The following RAPGEF2 variants were observed in gnomAD, a reference collection of about 807,000 sequenced individuals.
RAPGEF2 encodes PDZ domain containing guanine nucleotide exchange factor (GEF) 1.
A neutral mutation model predicts 186.7 loss-of-function variants in RAPGEF2; 54 were observed. The ratio of observed to expected loss-of-function variants is 0.29; its 90% CI spans 0.23 to 0.36. The LOEUF is 0.36. RAPGEF2 is among the 10% of genes least tolerant of loss of function. The probability of loss-of-function intolerance (pLI) is 1.00; values close to 1 mark genes in which losing one functional copy is unlikely to be tolerated. For missense variants in RAPGEF2, 1,532 were observed against 2,045.0 expected (o/e 0.75, Z 4.84); for synonymous variants, 712 against 705.9 (o/e 1.01, Z -0.14).
intron 1 of RAPGEF2, among the ~76,000 whole-genome samples, chr4:159,167,634 A>G (rs1218372559): frequency 6.6e-6 from 1 of 152,042 alleles, no homozygotes; most frequent in Non-Finnish European, 1.5e-5. Flanking sequence ...AAAATGTTCT[A>G]TTTAATATTG....
intron 7 of RAPGEF2, among the ~76,000 whole-genome samples, chr4:159,249,959 A>G (rs1166078595): frequency 6.6e-6 from 1 of 152,210 alleles, no homozygotes; most frequent in Non-Finnish European, 1.5e-5. Context: ...ACTGCCTAGC[A>G]TCCTTTGTGG....
intron 7 of RAPGEF2, among the ~76,000 whole-genome samples, chr4:159,248,357 C>T (rs1754901707): frequency 6.6e-6 from 1 of 152,162 alleles, no homozygotes; most frequent in South Asian, 2.1e-4. Flanking sequence ...ACAAATTTTA[C>T]TAAAATTTAT....
chr4:159,164,152 C>CCACCACCACACCCA (rs1309513975), intron 1 of RAPGEF2, among the ~76,000 whole-genome samples: 1 of 151,910 alleles, frequency 6.6e-6, no homozygotes, highest in African/African-American at 2.4e-5. Flanking sequence ...CTACAGGCGC[C>CCACCACCACACCCA]CACCACCACA....
In RAPGEF2 at chr4:159,296,354, T is replaced by A. The variant is rs28706552; in HGVS notation, c.544-7988T>A. On this transcript the variant is annotated intron_variant, in intron 7 of 29. Transcript: ENST00000691494. ...TAAAGTTTCATGAGTGAGAAATTAT[T>A]TACAATTAATATTTTTCATGTGATT... Among the ~76,000 whole-genome samples, 1,065 of 152,304 alleles carry A rather than the reference T, an allele frequency of 7.0e-3. 11 individuals are homozygous for A. Among genetic ancestry groups the A allele is most frequent in the African/African-American group, 0.024 (1,009 of 41,552 alleles).
chr4:159,233,067 A>G (rs1257307860), intron 4 of RAPGEF2, among the ~76,000 whole-genome samples: 1 of 152,208 alleles, frequency 6.6e-6, no homozygotes, highest in African/African-American at 2.4e-5. Flanking sequence ...AATCTTTATC[A>G]GATATGTGAT....
chr4:159,268,877 A>G (rs1477971473), intron 7 of RAPGEF2, among the ~76,000 whole-genome samples: 2 of 152,166 alleles, frequency 1.3e-5, no homozygotes, highest in Non-Finnish European at 2.9e-5. Context: ...GTGAGTTCTC[A>G]TGGTGCTACT....
intron 1 of RAPGEF2, among the ~76,000 whole-genome samples, chr4:159,175,158 G>A (rs1746330150): frequency 1.3e-5 from 2 of 152,212 alleles, no homozygotes; most frequent in South Asian, 4.1e-4. Flanking sequence ...GGTTTTCCTG[G>A]GCTTTGATGT....
At chr4:159,334,387 T>A (rs907422509) in intron 17 of RAPGEF2, among the ~76,000 whole-genome samples, 1 of 152,110 alleles carries the variant, frequency 6.6e-6, no homozygotes, top group African/African-American at 2.4e-5. Flanking sequence ...TAGCTGGGAT[T>A]ACAGGTGTGC....
intron 1 of RAPGEF2, among the ~76,000 whole-genome samples, chr4:159,138,547 T>G (rs1266567240): frequency 6.6e-6 from 1 of 152,204 alleles, no homozygotes; most frequent in Non-Finnish European, 1.5e-5. Context: ...TCTCTTTGGC[T>G]TGAGTAAATA....
At chr4:159,322,573 T>A in intron 10 of RAPGEF2, 90 bp downstream of exon 10, 1 of 1,079,272 alleles carries the variant, frequency 9.3e-7, no homozygotes, top group Non-Finnish European at 1.4e-6. Flanking sequence ...TACTTTTTCC[T>A]TTTTAATACC....
chr4:159,324,267 AT>A (rs1282294447), intron 11 of RAPGEF2, among the ~76,000 whole-genome samples: 22 of 151,946 alleles, frequency 1.4e-4, no homozygotes, highest in African/African-American at 5.1e-4. Context: ...ACCTCAAGTG[AT>A]CCCCCCACCT....
chr4:159,271,415 T>C (rs1194406731), intron 7 of RAPGEF2, among the ~76,000 whole-genome samples: 1 of 152,210 alleles, frequency 6.6e-6, no homozygotes, highest in African/African-American at 2.4e-5. Flanking sequence ...AGTGCCCTAC[T>C]TAAATATAGG....
In RAPGEF2 at chr4:159,260,328, G is replaced by C. The variant is rs114551894; in HGVS notation, c.543+16537G>C. Among the ~76,000 whole-genome samples the C allele has an allele frequency of 2.0e-5, 3 of 150,562 alleles. No homozygotes were observed. The South Asian group carries it at 6.3e-4, about 32-fold the overall frequency. ...AAGGGACATTTTAATATTCTCCCTC[G>C]CACTGCCAAAACAGAAAGACAAAAA... On this transcript the variant is annotated intron_variant, in intron 7 of 29. Transcript: ENST00000691494.
chr4:159,319,011 T>G (rs1223503698), intron 9 of RAPGEF2, among the ~76,000 whole-genome samples: 1 of 152,152 alleles, frequency 6.6e-6, no homozygotes, highest in Non-Finnish European at 1.5e-5. Flanking sequence ...AAGAAAATTG[T>G]CCTGTTTCTC....
intron 23 of RAPGEF2, 99 bp downstream of exon 23, chr4:159,344,158 A>T: frequency 7.4e-7 from 1 of 1,346,460 alleles, no homozygotes; most frequent in Non-Finnish European, 1.1e-6. Context: ...GCATTTTTGC[A>T]TTTTTTTCCT....
intron 1 of RAPGEF2, among the ~76,000 whole-genome samples, chr4:159,178,461 A>G (rs967547271): frequency 3.3e-5 from 5 of 151,226 alleles, no homozygotes; most frequent in African/African-American, 1.2e-4. Flanking sequence ...AGCCCGTTAT[A>G]TATTCTGAAT....
chr4:159,273,644 TTCTTTCTTTCTTTC>T (rs1240966118), intron 7 of RAPGEF2, among the ~76,000 whole-genome samples: 69 of 132,476 alleles, frequency 5.2e-4, no homozygotes, highest in African/African-American at 2.0e-3. Flanking sequence ...CTTTCTTTCT[TTCTTTCTTTCTTTC>T]TTTCTTTCTT....
intron 7 of RAPGEF2, 79 bp downstream of exon 7, chr4:159,243,870 A>T: frequency 9.8e-7 from 1 of 1,024,194 alleles, no homozygotes; most frequent in South Asian, 1.3e-5. Flanking sequence ...TGAATTTATA[A>T]TATTCATATG....
Position 159,331,551 on chromosome 4 carries a change from G to GT in RAPGEF2, c.1575+21dup, listed in dbSNP as rs201209450. 8.2e-4 allele frequency: 1,315 copies of GT among 1,609,082 alleles called. 11 individuals are homozygous for GT. In the African/African-American group the frequency reaches 0.014, roughly 17 times the overall value. On this transcript the variant is annotated intron_variant, in intron 14 of 29. Coordinates refer to ENST00000691494, the MANE Select transcript of RAPGEF2 (RefSeq NM_001394067.2). ...TCTGGAAAGAGAGGTAATATTTGTGGTTTTTTTTAAGATCAGCTTAAAGTT... is the reference window on the plus strand; with the variant it reads ...TCTGGAAAGAGAGGTAATATTTGTGGTTTTTTTTTAAGATCAGCTTAAAGTT...
Sources: gnomAD v4.1 joint callset for allele counts (sites outside exome capture counted in the v4.1 genomes callset) on GRCh38, gnomAD v4.1.1 for gene constraint, MANE v1.5 for transcripts, NCBI Gene and HGNC (gene_info 2026-07-23, HGNC 2026-07-21) for gene names.